Variants in GPR83 observed in about 807,000 individuals in gnomAD.
GPR83 encodes the protein G protein-coupled receptor 83, also known as G-protein coupled receptor 72.
GPR83 carries 23 observed loss-of-function variants against 28.0 expected under a neutral mutation model. The observed-to-expected ratio is 0.82, with a 90% confidence interval of 0.59 to 1.16. The LOEUF (loss-of-function observed/expected upper bound fraction) is 1.16. Among genes scored for constraint, GPR83 ranks in the 50% most tolerant of loss-of-function variants. The pLI, the probability that GPR83 is intolerant of heterozygous loss-of-function variation, is 0.00. For missense variants in GPR83, 610 were observed against 536.6 expected (o/e 1.14, Z -1.35); for synonymous variants, 234 against 215.4 (o/e 1.09, Z -0.76).
At chr11:94,381,738 T>C (rs544583396) in intron 3 of GPR83, among the ~76,000 whole-genome samples, 4 of 152,048 alleles carry the variant, frequency 2.6e-5, no homozygotes, top group Non-Finnish European at 5.9e-5. Flanking sequence ...CTTCCCACGA[T>C]TCACTACAGC....
At chr11:94,382,579 T>C (rs1412396251) in intron 3 of GPR83, among the ~76,000 whole-genome samples, 3 of 152,046 alleles carry the variant, frequency 2.0e-5, no homozygotes, top group Admixed American at 6.6e-5. Context: ...CACACAATAA[T>C]AGTGGGAGAC....
At position 94,393,570 on chromosome 11, in the gene GPR83, T is replaced by C. The variant is rs1357262588; in HGVS notation, c.562A>G (p.Ile188Val). ...KPRISITKGVIYIAVIWTMAT... is the reference protein window; with the variant it reads ...KPRISITKGVVYIAVIWTMAT... ...ATGGTCCAGATGACAGCGATGTAGATGACACCCTTTGTGATTGAGATCCGG... is the reference window on the plus strand; with the variant it reads ...ATGGTCCAGATGACAGCGATGTAGACGACACCCTTTGTGATTGAGATCCGG... Residue 188 changes from isoleucine to valine, a missense_variant, in exon 3 of 4, where the codon ATC (isoleucine) becomes GTC (valine). Ile to Val is a conservative substitution (Grantham distance 29). Transcript: ENST00000243673. The C allele has an allele frequency of 3.7e-6, 6 of 1,613,798 alleles. No homozygotes were observed. The African/African-American group carries it at 6.7e-5, about 18-fold the overall frequency.
chr11:94,397,266 T>C (rs1415278459), intron 1 of GPR83, among the ~76,000 whole-genome samples: 1 of 152,124 alleles, frequency 6.6e-6, no homozygotes, highest in Non-Finnish European at 1.5e-5. Flanking sequence ...CAGCACTATT[T>C]ACTCATTCAA....
At chr11:94,400,543 A>G (rs1944901531) in intron 1 of GPR83, among the ~76,000 whole-genome samples, 1 of 119,390 alleles carries the variant, frequency 8.4e-6, no homozygotes, top group African/African-American at 3.0e-5. Flanking sequence ...GGAGGCTGAA[A>G]GACAAAAAAA....
At chr11:94,381,029 C>G (rs1944681408) in intron 3 of GPR83, among the ~76,000 whole-genome samples, 1 of 152,154 alleles carries the variant, frequency 6.6e-6, no homozygotes, top group Non-Finnish European at 1.5e-5. Flanking sequence ...TCCTAGCCCA[C>G]AGTAGAGACC....
At chr11:94,393,352 A>C (rs1178384117) in intron 3 of GPR83, 133 bp downstream of exon 3, 1 of 749,916 alleles carries the variant, frequency 1.3e-6, no homozygotes, top group Middle Eastern at 2.7e-4. Flanking sequence ...AGCGAGCCAG[A>C]GAAAGACTCA....
chr11:94,388,166 C>G (rs375751345), intron 3 of GPR83, among the ~76,000 whole-genome samples: 4 of 152,110 alleles, frequency 2.6e-5, no homozygotes, highest in African/African-American at 9.7e-5. Context: ...ATTGATGGGA[C>G]GTATCTCAAA....
At chr11:94,388,525 A>C (rs988153185) in intron 3 of GPR83, among the ~76,000 whole-genome samples, 1 of 152,320 alleles carries the variant, frequency 6.6e-6, no homozygotes, top group East Asian at 1.9e-4. Context: ...CTTATACACC[A>C]ATAACAGACA....
chr11:94,398,824 C>T (rs562030849), intron 1 of GPR83, among the ~76,000 whole-genome samples: 3 of 152,296 alleles, frequency 2.0e-5, no homozygotes, highest in Non-Finnish European at 4.4e-5. Flanking sequence ...TCCCCACAAC[C>T]TTCTCCCTTT....
chr11:94,398,609 C>G (rs1470250393), intron 1 of GPR83, among the ~76,000 whole-genome samples: 1 of 152,194 alleles, frequency 6.6e-6, no homozygotes, highest in South Asian at 2.1e-4. Context: ...CTCTGTGCAT[C>G]TATCTTTATC....
In GPR83 at chr11:94,378,933, T is replaced by A. The variant is rs1944649882; in HGVS notation, c.*1216A>T. ...GTGAGCCAGGCCCTTCCCACCACTGTCTACAATAGGGGGCAGTTCTGTCTG... is the reference window on the plus strand; with the variant it reads ...GTGAGCCAGGCCCTTCCCACCACTGACTACAATAGGGGGCAGTTCTGTCTG... On this transcript the variant is annotated 3_prime_UTR_variant, in exon 4 of 4. Coordinates refer to ENST00000243673, the MANE Select transcript of GPR83 (RefSeq NM_016540.4). The A allele has an allele frequency of 6.6e-6, 1 of 152,120 alleles. No homozygotes were observed. Among genetic ancestry groups the A allele is most frequent in the Non-Finnish European group, 1.5e-5 (1 of 68,042 alleles). 9.4% of individuals were successfully genotyped at this position (152,120 alleles called of 1,614,324 possible).
intron 3 of GPR83, among the ~76,000 whole-genome samples, chr11:94,388,886 A>T (rs1453625663): frequency 1.3e-5 from 2 of 152,210 alleles, no homozygotes; most frequent in Admixed American, 1.3e-4. Context: ...AGGCAAAAGA[A>T]CAAAGCTGGA....
At chr11:94,400,061 A>G (rs188796147) in intron 1 of GPR83, among the ~76,000 whole-genome samples, 59 of 152,350 alleles carry the variant, frequency 3.9e-4, no homozygotes, top group Admixed American at 7.2e-4. Flanking sequence ...TGCACTTTAA[A>G]TAAGTGGTCT....
chr11:94,378,834 G>C lies in GPR83; in HGVS notation c.*1315C>G, dbSNP rs923331414. On this transcript the variant is annotated 3_prime_UTR_variant, in exon 4 of 4. Coordinates refer to ENST00000243673, the MANE Select transcript of GPR83 (RefSeq NM_016540.4). ...ACCACTTGTTTTTGTGCAATTGCAG[G>C]AGAGAAGGAATCATGCCTCCTGGTT... The C allele has an allele frequency of 6.6e-6, 1 of 152,394 alleles. No individual in the cohort carries two copies. The allele number at this position is 152,394 out of a possible 1,614,324, so 9.4% of individuals were successfully genotyped here.
chr11:94,391,093 C>T (rs1007326245), intron 3 of GPR83, among the ~76,000 whole-genome samples: 1 of 152,136 alleles, frequency 6.6e-6, no homozygotes, highest in African/African-American at 2.4e-5. Flanking sequence ...GCTACAGTAA[C>T]CAAAACAGCA....
chr11:94,401,328 C>T lies in GPR83; in HGVS notation c.-81G>A, dbSNP rs145216435. On this transcript the variant is annotated 5_prime_UTR_variant, in exon 1 of 4. Coordinates refer to ENST00000243673, the MANE Select transcript of GPR83 (RefSeq NM_016540.4). ...GGGATCGGAGCGCGCAGCCGGGGTGCGGGGCGCACAGCATACAAGGCCGTC... is the reference window on the plus strand; with the variant it reads ...GGGATCGGAGCGCGCAGCCGGGGTGTGGGGCGCACAGCATACAAGGCCGTC... The T allele has an allele frequency of 1.6e-3, 2,258 of 1,389,802 alleles. 39 individuals carry two copies. In the African/African-American group the frequency reaches 0.03, roughly 18 times the overall value. 86.1% of individuals were successfully genotyped at this position (1,389,802 alleles called of 1,614,324 possible).
At chr11:94,388,377 C>T (rs1944780966) in intron 3 of GPR83, among the ~76,000 whole-genome samples, 1 of 152,202 alleles carries the variant, frequency 6.6e-6, no homozygotes, top group Admixed American at 6.5e-5. Context: ...AAGAGGAAGT[C>T]AAATTGTCCC....
At chr11:94,397,940 A>G (rs1422020859) in intron 1 of GPR83, among the ~76,000 whole-genome samples, 1 of 152,230 alleles carries the variant, frequency 6.6e-6, no homozygotes, top group Non-Finnish European at 1.5e-5. Flanking sequence ...GAGGACAGGG[A>G]GGAGCCATTG....
chr11:94,395,420 T>C (rs1944856694), intron 2 of GPR83, among the ~76,000 whole-genome samples: 1 of 152,156 alleles, frequency 6.6e-6, no homozygotes, highest in South Asian at 2.1e-4. Context: ...GTAGATTCCT[T>C]TGAGTCTTCT....
Sources: allele counts gnomAD v4.1 joint callset (sites outside exome capture counted in the v4.1 genomes callset), GRCh38; gene constraint gnomAD v4.1.1; transcripts MANE v1.5; gene names NCBI Gene and HGNC (gene_info 2026-07-23, HGNC 2026-07-21).